Variants in ADAMTSL1 observed in about 807,000 individuals in gnomAD.
ADAMTSL1 encodes the protein ADAMTS-like protein 1.
A neutral mutation model predicts 201.8 loss-of-function variants in ADAMTSL1; 126 were observed. The observed-to-expected ratio is 0.62, with a 90% CI of 0.54 to 0.72. The LOEUF is 0.72. Among genes scored for constraint, ADAMTSL1 ranks in the 30% least tolerant of loss-of-function variants. The pLI, the probability that ADAMTSL1 is intolerant of heterozygous loss-of-function variation, is 0.00. For synonymous variants in ADAMTSL1, 1,121 were observed against 903.4 expected, an observed-to-expected ratio of 1.24 and a Z score of -4.32; for missense variants, 2,679 against 2,277.8, an observed-to-expected ratio of 1.18 and a Z score of -3.59.
At chr9:18,887,593 C>T (rs2076902) in intron 23 of ADAMTSL1, among the ~76,000 whole-genome samples, 89,196 of 151,876 alleles carry the variant, frequency 0.59, 27,035 homozygotes, top group African/African-American at 0.75. Flanking sequence ...CAGAAAGAAA[C>T]AGGTACTTTT....
At chr9:18,594,426 C>A (rs1824127232) in intron 4 of ADAMTSL1, among the ~76,000 whole-genome samples, 1 of 152,120 alleles carries the variant, frequency 6.6e-6, no homozygotes, top group Non-Finnish European at 1.5e-5. Flanking sequence ...CTACACCTTT[C>A]TTTCTCAGTT....
At chr9:17,988,871 C>A (rs1228205073) in intron 1 of ADAMTSL1, among the ~76,000 whole-genome samples, 1 of 151,780 alleles carries the variant, frequency 6.6e-6, no homozygotes, top group Non-Finnish European at 1.5e-5. Flanking sequence ...TGTTTCTCAA[C>A]TTGTTTTTTC....
intron 1 of ADAMTSL1, among the ~76,000 whole-genome samples, chr9:18,072,231 G>A (rs1196547565): frequency 6.6e-6 from 1 of 152,140 alleles, no homozygotes; most frequent in Non-Finnish European, 1.5e-5. Flanking sequence ...ACTTTCGATG[G>A]CAGCTGATGA....
rs1193746217 is a variant in ADAMTSL1, at chr9:18,391,462, T to A, written c.208-113367T>A. 2.0e-5 allele frequency among the ~76,000 whole-genome samples: 3 copies of A among 152,164 alleles called. No homozygotes were observed. The East Asian group carries it at 5.8e-4, about 29-fold the overall frequency. ...TTGGTAGTTAAAACAATTTTTTTTT[T>A]AGAGACAAGGTCTTGCTCTGTCACC... On this transcript the variant is annotated intron_variant, in intron 2 of 29. Transcript: ENST00000680146.
intron 7 of ADAMTSL1, among the ~76,000 whole-genome samples, chr9:18,656,563 A>G (rs1256813900): frequency 6.9e-6 from 1 of 145,362 alleles, no homozygotes; most frequent in Admixed American, 7.4e-5. Context: ...CGGGAGGCGG[A>G]GCTGGCAGTG....
intron 2 of ADAMTSL1, among the ~76,000 whole-genome samples, chr9:18,250,125 GTTGATAAAT>G (rs1471497820): frequency 2.6e-5 from 4 of 152,300 alleles, no homozygotes; most frequent in Middle Eastern, 3.4e-3. Flanking sequence ...GCTACTATCT[GTTGATAAAT>G]TTTCTCATTC....
At chr9:18,813,971 C>T (rs915716597) in intron 20 of ADAMTSL1, among the ~76,000 whole-genome samples, 4 of 152,082 alleles carry the variant, frequency 2.6e-5, no homozygotes, top group African/African-American at 9.7e-5. Flanking sequence ...CCTTTATATT[C>T]CTGAAGCCTT....
intron 1 of ADAMTSL1, among the ~76,000 whole-genome samples, chr9:17,947,902 C>T (rs1198521487): frequency 6.6e-6 from 1 of 152,160 alleles, no homozygotes; most frequent in African/African-American, 2.4e-5. Flanking sequence ...TCTGCAGCTG[C>T]ACATGATACA....
intron 1 of ADAMTSL1, among the ~76,000 whole-genome samples, chr9:17,973,854 G>C (rs1301848952): frequency 6.7e-6 from 1 of 150,330 alleles, no homozygotes; most frequent in African/African-American, 2.5e-5. Context: ...GCAGTGGTTT[G>C]TAGTTCTCCT....
At chr9:17,915,561 T>C in intron 1 of ADAMTSL1, among the ~76,000 whole-genome samples, 1 of 152,204 alleles carries the variant, frequency 6.6e-6, no homozygotes, top group East Asian at 1.9e-4. Flanking sequence ...CGTTGTTTAA[T>C]TTGTGTTAGG....
chr9:17,976,172 T>A (rs1485550266), intron 1 of ADAMTSL1, among the ~76,000 whole-genome samples: 1 of 152,152 alleles, frequency 6.6e-6, no homozygotes, highest in Non-Finnish European at 1.5e-5. Flanking sequence ...CTTCCAGCTT[T>A]GTTCTTGTTC....
intron 2 of ADAMTSL1, among the ~76,000 whole-genome samples, chr9:18,450,397 G>T (rs1587250824): frequency 6.6e-6 from 1 of 152,094 alleles, no homozygotes; most frequent in African/African-American, 2.4e-5. Flanking sequence ...ACACTTTATA[G>T]GTACAAATTT....
intron 2 of ADAMTSL1, among the ~76,000 whole-genome samples, chr9:18,459,417 T>G (rs182210735): frequency 7.2e-5 from 11 of 152,316 alleles, no homozygotes; most frequent in Admixed American, 6.5e-4. Flanking sequence ...TTTCAAGTCC[T>G]CTGTTGCACT....
At chr9:18,572,480 G>A (rs1449462791) in intron 3 of ADAMTSL1, among the ~76,000 whole-genome samples, 2 of 152,084 alleles carry the variant, frequency 1.3e-5, no homozygotes, top group African/African-American at 4.8e-5. Context: ...CTGTGTATCT[G>A]TACCTATGTT....
chr9:18,756,868 A>G (rs186268105), intron 16 of ADAMTSL1, among the ~76,000 whole-genome samples: 1 of 152,368 alleles, frequency 6.6e-6, no homozygotes, highest in East Asian at 1.9e-4. Context: ...TCTGGGGGGA[A>G]GAAAACATAA....
chr9:18,178,431 G>A (rs966651454), intron 2 of ADAMTSL1, among the ~76,000 whole-genome samples: 7 of 152,154 alleles, frequency 4.6e-5, no homozygotes, highest in Non-Finnish European at 8.8e-5. Context: ...AAACTGCAAG[G>A]CAGCAGCGAG....
At chr9:18,123,156 G>T (rs1326668245) in intron 1 of ADAMTSL1, among the ~76,000 whole-genome samples, 3 of 152,096 alleles carry the variant, frequency 2.0e-5, no homozygotes, top group African/African-American at 7.2e-5. Context: ...GGAAAAGCTG[G>T]CTTCAGGTAT....
chr9:18,483,240 C>G (rs1185556203), intron 1 of ADAMTSL1, among the ~76,000 whole-genome samples: 1 of 152,122 alleles, frequency 6.6e-6, no homozygotes, highest in Admixed American at 6.5e-5. Flanking sequence ...TATTCCAGCC[C>G]TTTCATTTTG....
chr9:18,656,628 C>CAAAAAAAAAAAAAAAA, intron 7 of ADAMTSL1, among the ~76,000 whole-genome samples: 1 of 75,362 alleles, frequency 1.3e-5, no homozygotes, highest in Non-Finnish European at 2.6e-5. Context: ...GACTCCATCG[C>CAAAAAAAAAAAAAAAA]AAAAAAAAAA....
Sources: allele counts gnomAD v4.1 joint callset (sites outside exome capture counted in the v4.1 genomes callset), GRCh38; gene constraint gnomAD v4.1.1; transcripts MANE v1.5; gene names NCBI Gene and HGNC (gene_info 2026-07-23, HGNC 2026-07-21).